SMG7: variants seen among roughly 807,000 people sequenced by gnomAD.
The protein encoded by SMG7 is nonsense-mediated mRNA decay factor SMG7.
SMG7 carries 34 observed loss-of-function variants against 148.2 expected under a neutral mutation model. The ratio of observed to expected loss-of-function variants is 0.23; its 90% confidence interval spans 0.17 to 0.31. The LOEUF (loss-of-function observed/expected upper bound fraction) is 0.31, where lower values mean the gene tolerates loss of function less well. SMG7 is among the 10% of genes least tolerant of loss of function. The pLI is 1.00. For missense variants in SMG7, 1,114 were observed against 1,408.4 expected (o/e 0.79, Z 3.35); for synonymous variants, 492 against 515.1 (o/e 0.96, Z 0.61).
At chr1:183,521,682 G>A (rs764688839) in intron 4 of SMG7, among the ~76,000 whole-genome samples, 1 of 151,916 alleles carries the variant, frequency 6.6e-6, no homozygotes, top group East Asian at 1.9e-4. Flanking sequence ...CCTGGGTAAC[G>A]TGGTGAGACC....
In SMG7 at chr1:183,551,900, G is replaced by C. The variant is rs758953179; in HGVS notation, c.3533G>C (p.Arg1178Pro). 3 of 1,613,628 alleles carry C rather than the reference G, an allele frequency of 1.9e-6. No homozygotes were observed. The South Asian group carries it at 3.3e-5, about 18-fold the overall frequency. The change falls in exon 23 of 23, where the codon CGG (arginine) becomes CCG (proline). Residue 1178 changes from arginine to proline, a missense_variant. Physicochemically the swap from Arg to Pro is moderately radical, Grantham distance 103. Around this residue, in one of 4 missense-constraint regions of SMG7, gnomAD observed 788 missense variants for 894.5 expected, o/e 0.88. Transcript: ENST00000688051. ...LLMQQKQKQQ[R>P]GQGTMNPPH is the part of the protein sequence containing the mutation. ...ATGCAGCAGAAGCAGAAACAGCAACGGGGACAAGGCACCATGAACCCTCCA... is the reference window on the plus strand; with the variant it reads ...ATGCAGCAGAAGCAGAAACAGCAACCGGGACAAGGCACCATGAACCCTCCA...
Position 183,546,381 on chromosome 1 carries a change from G to A in SMG7, c.2742+44G>A, listed in dbSNP as rs1234699706. 3.2e-6 allele frequency: 5 copies of A among 1,560,802 alleles called. No individual in the cohort carries two copies. In the South Asian group the frequency reaches 4.8e-5, roughly 15 times the overall value. On this transcript the variant is annotated intron_variant, in intron 17 of 22. Coordinates refer to ENST00000688051, the MANE Select transcript of SMG7 (RefSeq NM_001375584.1). ...CACCAGGCAATTTGGAGATAGGTCT[G>A]AGGTTGACTGTCTTTTGAATATCTC... is the stretch of plus-strand genomic sequence containing the variant.
intron 1 of SMG7, among the ~76,000 whole-genome samples, chr1:183,480,550 G>T (rs527875506): frequency 8.6e-5 from 13 of 151,780 alleles, no homozygotes; most frequent in Non-Finnish European, 1.8e-4. Flanking sequence ...TCTTGTATCT[G>T]TCCTTCTATC....
At chr1:183,535,981 T>C (rs1333040763) in intron 10 of SMG7, among the ~76,000 whole-genome samples, 3 of 152,128 alleles carry the variant, frequency 2.0e-5, no homozygotes, top group African/African-American at 7.2e-5. Context: ...ATATATTTGT[T>C]GATATTTTTA....
Position 183,515,949 on chromosome 1 carries a change from C to T in SMG7, c.137C>T (p.Thr46Ile), listed in dbSNP as rs763350649. 2 of 1,612,818 alleles carry T rather than the reference C, an allele frequency of 1.2e-6. No individual in the cohort carries two copies. Among genetic ancestry groups the T allele is most frequent in the Non-Finnish European group, 8.5e-7 (1 of 1,179,262 alleles). Residue 46 changes from threonine (T) to isoleucine (I), a missense_variant, in exon 3 of 23, where the codon ACC becomes ATC. Physicochemically the swap from Thr to Ile is moderately conservative, Grantham distance 89. Transcript: ENST00000688051. Reference sequence around the variant, plus strand: ...GACCTGTACCAGAAAATGCTAGTTACCGATTTGGAATACGCTTTAGACAAG... The same window carrying T: ...GACCTGTACCAGAAAATGCTAGTTATCGATTTGGAATACGCTTTAGACAAG... ...LQDLYQKMLV[T>I]DLEYALDKKV...
At chr1:183,499,377 G>A (rs2102297891) in intron 1 of SMG7, among the ~76,000 whole-genome samples, 1 of 152,280 alleles carries the variant, frequency 6.6e-6, no homozygotes. Context: ...GTGAATGAGA[G>A]TTCCCGATGC....
chr1:183,521,779 T>A (rs566679362), intron 4 of SMG7, among the ~76,000 whole-genome samples: 6 of 150,270 alleles, frequency 4.0e-5, no homozygotes, highest in Non-Finnish European at 5.9e-5. Flanking sequence ...GGCAGGAGGA[T>A]CACTTGAGCC....
intron 1 of SMG7, among the ~76,000 whole-genome samples, chr1:183,481,501 T>G (rs1654102270): frequency 1.3e-5 from 2 of 152,210 alleles, no homozygotes; most frequent in South Asian, 4.1e-4. Flanking sequence ...GAGACCATGT[T>G]TCAGCATCTT....
chr1:183,544,377 A>C lies in SMG7; in HGVS notation c.1867A>C (p.Lys623Gln). The C allele has an allele frequency of 1.9e-6, 3 of 1,613,970 alleles. No homozygotes were observed. The highest frequency in any genetic ancestry group is 2.5e-6 in the Non-Finnish European group (3 of 1,179,878). ...GGTAAAATCCCAGACAGAACTAAGAAAGACTCCAGTGTCTGAAGCCAGAAA... is the reference window on the plus strand; with the variant it reads ...GGTAAAATCCCAGACAGAACTAAGACAGACTCCAGTGTCTGAAGCCAGAAA... ...VQVKSQTELR[K>Q]TPVSEARKTP... Residue 623 changes from lysine (K) to glutamine (Q), a missense_variant, in exon 15 of 23, where the codon AAG becomes CAG. Physicochemically the swap from Lys to Gln is moderately conservative, Grantham distance 53 (BLOSUM62 1). Transcript: ENST00000688051.
intron 12 of SMG7, 138 bp downstream of exon 12, chr1:183,538,578 AGTT>A (rs1296886560): frequency 7.4e-6 from 5 of 677,810 alleles, no homozygotes; most frequent in Non-Finnish European, 1.1e-5. Context: ...TAATACTGAA[AGTT>A]GTTGTGAATT....
chr1:183,473,750 G>A (rs1651384887), intron 1 of SMG7: 1 of 985,258 alleles, frequency 1.0e-6, no homozygotes, highest in Non-Finnish European at 1.2e-6. Flanking sequence ...AGGCCTTATG[G>A]AAAGATGTTT....
chr1:183,517,629 G>C (rs762987034), intron 3 of SMG7, 59 bp from the exon 4 acceptor site: 2 of 1,527,588 alleles, frequency 1.3e-6, no homozygotes, highest in Admixed American at 3.3e-5. Context: ...TTCTCAGGGG[G>C]ACCAGTGTCT....
chr1:183,477,821 T>C (rs1169553021), intron 1 of SMG7, among the ~76,000 whole-genome samples: 2 of 152,128 alleles, frequency 1.3e-5, no homozygotes, highest in Non-Finnish European at 2.9e-5. Context: ...TATGCACATA[T>C]GTGTGTATAT....
At chr1:183,512,808 CTTTTTT>C (rs59379855) in intron 1 of SMG7, 23 bp from the exon 2 acceptor site, 67 of 1,278,614 alleles carry the variant, frequency 5.2e-5, no homozygotes, top group South Asian at 1.6e-4. Flanking sequence ...AACTGATACT[CTTTTTT>C]TTTTTTTTTT....
intron 1 of SMG7, among the ~76,000 whole-genome samples, chr1:183,479,715 A>G (rs1653604629): frequency 1.3e-5 from 2 of 152,194 alleles, no homozygotes; most frequent in South Asian, 4.1e-4. Context: ...GGCAAATTAA[A>G]AGAAAGACAT....
Position 183,542,140 on chromosome 1 carries a change from C to G in SMG7, c.1480C>G (p.Leu494Val). 6.2e-7 allele frequency: 1 copy of G among 1,614,014 alleles called. No individual in the cohort carries two copies. Among genetic ancestry groups the G allele is most frequent in the Non-Finnish European group, 8.5e-7 (1 of 1,179,930 alleles). The change falls in exon 14 of 23, where the codon CTG (leucine) becomes GTG (valine). Residue 494 changes from leucine (L) to valine (V), a missense_variant. Coordinates refer to ENST00000688051, the MANE Select transcript of SMG7 (RefSeq NM_001375584.1). ...LFITEIPELI[L>V]EDPSEAKENL... is the part of the protein sequence containing the mutation. ...TATCACAGAAATCCCAGAATTAATA[C>G]TGGAAGACCCCAGTGAAGCCAAAGA... is the stretch of plus-strand genomic sequence containing the variant.
At chr1:183,542,854 T>TA (rs1335322225) in intron 14 of SMG7, among the ~76,000 whole-genome samples, 1 of 151,970 alleles carries the variant, frequency 6.6e-6, no homozygotes, top group African/African-American at 2.4e-5. Flanking sequence ...GGGTCTTCTG[T>TA]AGATCCAGTA....
chr1:183,519,499 G>A (rs1178475041), intron 4 of SMG7, among the ~76,000 whole-genome samples: 1 of 151,494 alleles, frequency 6.6e-6, no homozygotes, highest in Non-Finnish European at 1.5e-5. Context: ...CTGAGGATAT[G>A]GAGGTAAATT....
At chr1:183,533,423 T>C in intron 9 of SMG7, 97 bp downstream of exon 9, 1 of 1,314,044 alleles carries the variant, frequency 7.6e-7, no homozygotes, top group South Asian at 1.4e-5. Context: ...TAAAAAAGCA[T>C]AGTGTATTTC....
Sources: gnomAD v4.1 joint callset for allele counts (sites outside exome capture counted in the v4.1 genomes callset) on GRCh38, gnomAD v4.1.1 for gene constraint, gnomAD v4.1.1 regional missense constraint, MANE v1.5 for transcripts, NCBI Gene and HGNC (gene_info 2026-07-23, HGNC 2026-07-21) for gene names.